The following SOBP variants were observed in gnomAD, a reference collection of about 807,000 sequenced individuals.
SOBP encodes sine oculis-binding protein homolog.
A neutral mutation model predicts 53.6 loss-of-function variants in SOBP; 4 were observed. The observed-to-expected ratio is 0.07, with a 90% CI of 0.04 to 0.17. The LOEUF (loss-of-function observed/expected upper bound fraction) is 0.17, where lower values mean the gene tolerates loss of function less well. Ranked by LOEUF, SOBP falls within the 10% of genes least tolerant of loss-of-function variation. SOBP has a pLI of 1.00. For missense variants in SOBP, 1,088 were observed against 1,204.7 expected (o/e 0.90, Z 1.43); for synonymous variants, 584 against 522.6 (o/e 1.12, Z -1.60).
chr6:107,583,621 G>T (rs1034787926), intron 4 of SOBP, among the ~76,000 whole-genome samples: 1 of 152,128 alleles, frequency 6.6e-6, no homozygotes, highest in Non-Finnish European at 1.5e-5. Flanking sequence ...GAAGTGCTGG[G>T]CTCAAGCAAT....
chr6:107,547,127 C>T (rs535001726), intron 4 of SOBP, among the ~76,000 whole-genome samples: 1 of 152,256 alleles, frequency 6.6e-6, no homozygotes, highest in Non-Finnish European at 1.5e-5. Context: ...AATTACCCTC[C>T]GCCCAAAAAG....
At chr6:107,492,916 A>G (rs1232075798) in intron 1 of SOBP, among the ~76,000 whole-genome samples, 1 of 152,206 alleles carries the variant, frequency 6.6e-6, no homozygotes, top group Non-Finnish European at 1.5e-5. Context: ...CAAGTATACC[A>G]TGCCTGAGAG....
At chr6:107,582,082 A>G (rs1785421048) in intron 4 of SOBP, among the ~76,000 whole-genome samples, 3 of 152,222 alleles carry the variant, frequency 2.0e-5, no homozygotes, top group African/African-American at 7.2e-5. Flanking sequence ...GGGAGGTATT[A>G]ACTCTGAAGC....
At position 107,614,099 on chromosome 6, in the gene SOBP, G is replaced by C. The variant is rs77877739; in HGVS notation, c.670-19415G>C. On this transcript the variant is annotated intron_variant, in intron 5 of 6. Coordinates refer to ENST00000317357, the MANE Select transcript of SOBP (RefSeq NM_018013.4). The stretch of plus-strand genomic sequence containing the variant: ...CCCATGATGGTCTGGATGTTATGAT[G>C]CCTTAAGTACAGTAGGAGTAAGGCA... Among the ~76,000 whole-genome samples the C allele has an allele frequency of 3.2e-3, 491 of 152,312 alleles. 1 individual carries two copies. The highest frequency in any genetic ancestry group is 0.011 in the African/African-American group (468 of 41,570).
In SOBP at chr6:107,619,810, G is replaced by A. The variant is rs529215829; in HGVS notation, c.670-13704G>A. Among the ~76,000 whole-genome samples, 21 of 152,252 alleles carry A rather than the reference G, an allele frequency of 1.4e-4. No homozygotes were observed. The East Asian group carries it at 3.9e-3, about 28-fold the overall frequency. ...ATTTGAGTAGGTCCACCCAGACTGA[G>A]GCTGTCCTGGGTACGCCACACCCAT... On this transcript the variant is annotated intron_variant, in intron 5 of 6. Coordinates refer to ENST00000317357, the MANE Select transcript of SOBP (RefSeq NM_018013.4).
At chr6:107,573,520 G>A (rs1464196554) in intron 4 of SOBP, among the ~76,000 whole-genome samples, 1 of 152,124 alleles carries the variant, frequency 6.6e-6, no homozygotes, top group Non-Finnish European at 1.5e-5. Flanking sequence ...TGGATGTTGT[G>A]TACCCCATTT....
intron 1 of SOBP, among the ~76,000 whole-genome samples, chr6:107,495,403 A>G (rs1405765502): frequency 6.6e-6 from 1 of 152,222 alleles, no homozygotes; most frequent in Admixed American, 6.5e-5. Flanking sequence ...TTCTCCATCC[A>G]CGAACTGGTG....
Position 107,634,396 on chromosome 6 carries a change from G to A in SOBP, c.1552G>A (p.Val518Met). 1.9e-6 allele frequency: 3 copies of A among 1,600,692 alleles called. No homozygotes were observed. Among genetic ancestry groups the A allele is most frequent in the Non-Finnish European group, 2.5e-6 (3 of 1,178,976 alleles). ...NFGLPSLAPL[V>M]PPPTLLVPYP... The stretch of plus-strand genomic sequence containing the variant: ...CGGGCTGCCGTCGCTTGCCCCGCTG[G>A]TGCCGCCCCCGACCCTGCTCGTGCC... Residue 518 changes from valine to methionine, a missense_variant, in exon 6 of 7, where the codon GTG becomes ATG. Val to Met is a conservative substitution (Grantham distance 21). Coordinates refer to ENST00000317357, the MANE Select transcript of SOBP (RefSeq NM_018013.4). This position sits in a 1 kb window ranked among gnomAD's most constrained non-coding sequence, Gnocchi z 4.5.
intron 1 of SOBP, among the ~76,000 whole-genome samples, chr6:107,493,411 A>G (rs1035039560): frequency 6.6e-6 from 1 of 152,190 alleles, no homozygotes; most frequent in Admixed American, 6.5e-5. Flanking sequence ...CAAGGCTTGA[A>G]GGTAGGGGAA....
Position 107,634,522 on chromosome 6 carries a change from G to A in SOBP, c.1678G>A (p.Glu560Lys). The A allele has an allele frequency of 1.2e-6, 2 of 1,611,166 alleles. No individual in the cohort carries two copies. Among genetic ancestry groups the A allele is most frequent in the Non-Finnish European group, 1.7e-6 (2 of 1,179,898 alleles). The change falls in exon 6 of 7, where the codon GAG becomes AAG. Residue 560 changes from glutamate to lysine, a missense_variant. Glu to Lys is a moderately conservative substitution (Grantham distance 56, BLOSUM62 1). Transcript: ENST00000317357. The surrounding 1 kb of genome is among the most constrained non-coding windows in gnomAD (Gnocchi z 4.5). ...KPPNGFSSNG[E>K]NFIPNAPGDS... Reference sequence around the variant, plus strand: ...CCCCAACGGGTTCTCCAGCAACGGGGAGAACTTCATTCCGAACGCCCCTGG... The same window carrying A: ...CCCCAACGGGTTCTCCAGCAACGGGAAGAACTTCATTCCGAACGCCCCTGG...
chr6:107,616,084 T>TTGG (rs1278841564), intron 5 of SOBP, among the ~76,000 whole-genome samples: 8 of 62,572 alleles, frequency 1.3e-4, no homozygotes, highest in African/African-American at 4.9e-4. Flanking sequence ...GGAAGGGGGG[T>TTGG]GGGGGGGGGG....
chr6:107,547,996 C>T (rs1784350469), intron 4 of SOBP, among the ~76,000 whole-genome samples: 1 of 152,166 alleles, frequency 6.6e-6, no homozygotes, highest in African/African-American at 2.4e-5. Context: ...GGTAGACTTA[C>T]AACCCAGTCC....
chr6:107,614,178 G>A (rs576004570), intron 5 of SOBP, among the ~76,000 whole-genome samples: 2 of 152,284 alleles, frequency 1.3e-5, no homozygotes, highest in East Asian at 3.9e-4. Flanking sequence ...GAGGCGGGAG[G>A]ATCACTTGAG....
intron 4 of SOBP, among the ~76,000 whole-genome samples, chr6:107,562,975 C>T (rs61526852): frequency 0.16 from 23,894 of 152,116 alleles, 2,023 homozygotes; most frequent in South Asian, 0.31. Flanking sequence ...ATATATTTTA[C>T]ATATTCATAA....
At chr6:107,617,820 C>CTTTTTT (rs71551315) in intron 5 of SOBP, among the ~76,000 whole-genome samples, 6 of 101,188 alleles carry the variant, frequency 5.9e-5, no homozygotes, top group Non-Finnish European at 7.6e-5. Context: ...TGTATGACTC[C>CTTTTTT]TTTTTTTTTT....
At chr6:107,600,881 A>T (rs1786154270) in intron 5 of SOBP, among the ~76,000 whole-genome samples, 1 of 152,188 alleles carries the variant, frequency 6.6e-6, no homozygotes, top group South Asian at 2.1e-4. Context: ...CATGAAATGA[A>T]CTCGATTTTT....
intron 4 of SOBP, among the ~76,000 whole-genome samples, chr6:107,541,211 A>G (rs948751324): frequency 2.6e-5 from 4 of 152,196 alleles, no homozygotes; most frequent in Non-Finnish European, 5.9e-5. Context: ...TGCTTAATTC[A>G]TCTTCGAATA....
At chr6:107,588,860 T>G (rs554111850) in intron 5 of SOBP, among the ~76,000 whole-genome samples, 1 of 152,338 alleles carries the variant, frequency 6.6e-6, no homozygotes, top group African/African-American at 2.4e-5. Context: ...GTCCTTCCAG[T>G]CACTGTTAGA....
Position 107,490,480 on chromosome 6 carries a change from G to T in SOBP, c.-137G>T. 1.6e-6 allele frequency: 1 copy of T among 637,668 alleles called. No homozygotes were observed. The highest frequency in any genetic ancestry group is 1.8e-5 in the South Asian group (1 of 55,208). 39.5% of individuals were successfully genotyped at this position (637,668 alleles called of 1,614,324 possible). A position where few individuals can be genotyped will look rare whatever the true frequency, so the allele number is the denominator to read the frequency against. On this transcript the variant is annotated 5_prime_UTR_variant, in exon 1 of 7. Coordinates refer to ENST00000317357, the MANE Select transcript of SOBP (RefSeq NM_018013.4). ...GCGCCTGCCCTCCCCCTCGCGGCTCGGTCCGGCCCCGCCAGCACCGCTACC... is the reference window on the plus strand; with the variant it reads ...GCGCCTGCCCTCCCCCTCGCGGCTCTGTCCGGCCCCGCCAGCACCGCTACC...
Sources: allele counts gnomAD v4.1 joint callset (sites outside exome capture counted in the v4.1 genomes callset), GRCh38; gene constraint gnomAD v4.1.1; non-coding constraint Gnocchi (gnomAD v3.1); transcripts MANE v1.5; gene names NCBI Gene and HGNC (gene_info 2026-07-23, HGNC 2026-07-21).